Variants in PUM2 observed in about 807,000 individuals in gnomAD.
PUM2 encodes the protein pumilio RNA binding family member 2.
PUM2 carries 57 observed loss-of-function variants against 124.5 expected under a neutral mutation model. That is an observed-to-expected ratio of 0.46 (90% CI 0.37 to 0.57). The LOEUF (loss-of-function observed/expected upper bound fraction) is 0.57, where lower values mean the gene tolerates loss of function less well. PUM2 is among the 20% of genes least tolerant of loss of function. PUM2 has a pLI of 0.00. For missense variants in PUM2, 1,065 were observed against 1,290.6 expected (o/e 0.83, Z 2.68); for synonymous variants, 460 against 446.1 (o/e 1.03, Z -0.39).
chr2:20,268,739 T>C (rs931080267), intron 13 of PUM2, among the ~76,000 whole-genome samples: 1 of 152,300 alleles, frequency 6.6e-6, no homozygotes, highest in East Asian at 1.9e-4. Context: ...TACAGAAAGA[T>C]AGCATTTCTT....
At chr2:20,252,804 G>A (rs1663771435) in intron 20 of PUM2, among the ~76,000 whole-genome samples, 1 of 152,186 alleles carries the variant, frequency 6.6e-6, no homozygotes, top group South Asian at 2.1e-4. Flanking sequence ...TTCAACCCAT[G>A]TATTATGGTA....
intron 3 of PUM2, among the ~76,000 whole-genome samples, chr2:20,316,484 A>C (rs984266788): frequency 6.6e-6 from 1 of 151,916 alleles, no homozygotes; most frequent in African/African-American, 2.4e-5. Context: ...GAGCTTAAGC[A>C]AACTGTATTA....
At chr2:20,279,945 T>C (rs1305467060) in intron 12 of PUM2, among the ~76,000 whole-genome samples, 1 of 152,182 alleles carries the variant, frequency 6.6e-6, no homozygotes, top group Non-Finnish European at 1.5e-5. Flanking sequence ...ACCACATTTC[T>C]GAACCTGCCA....
intron 8 of PUM2, among the ~76,000 whole-genome samples, chr2:20,296,886 C>A (rs1675729981): frequency 6.7e-6 from 1 of 149,766 alleles, no homozygotes; most frequent in Admixed American, 6.6e-5. Flanking sequence ...ATAAATACAG[C>A]TTTTTTGTTG....
chr2:20,302,363 G>A (rs140289433), intron 7 of PUM2, among the ~76,000 whole-genome samples: 7 of 152,196 alleles, frequency 4.6e-5, no homozygotes, highest in Admixed American at 3.3e-4. Context: ...CAACCTAATA[G>A]GTAAATTAAA....
intron 9 of PUM2, among the ~76,000 whole-genome samples, chr2:20,292,687 T>C (rs561861666): frequency 1.4e-4 from 21 of 152,226 alleles, no homozygotes; most frequent in Admixed American, 3.9e-4. Context: ...TCCCAGCACT[T>C]TGGGAGGCCA....
chr2:20,350,376 C>T (rs997751248), intron 1 of PUM2: 3 of 755,586 alleles, frequency 4.0e-6, no homozygotes, highest in African/African-American at 3.8e-5. Context: ...GGAAAGCGGC[C>T]GGCGCGGCGC....
At chr2:20,260,236 T>C in intron 15 of PUM2, 101 bp downstream of exon 15, 1 of 1,267,696 alleles carries the variant, frequency 7.9e-7, no homozygotes. Context: ...TTATTATCTT[T>C]TTTTATATGA....
intron 13 of PUM2, among the ~76,000 whole-genome samples, chr2:20,270,521 C>T (rs879515844): frequency 1.3e-5 from 2 of 151,462 alleles, no homozygotes; most frequent in Non-Finnish European, 2.9e-5. Flanking sequence ...GGGAAGAGGG[C>T]TGAAGAACTG....
chr2:20,252,774 G>GT lies in PUM2; in HGVS notation c.3063+1047dup, dbSNP rs1235083074. Among the ~76,000 whole-genome samples, 7 of 152,274 alleles carry GT rather than the reference G, an allele frequency of 4.6e-5. No individual in the cohort carries two copies. In the South Asian group the frequency reaches 1.0e-3, roughly 23 times the overall value. On this transcript the variant is annotated intron_variant, in intron 20 of 20. Coordinates refer to ENST00000361078, the MANE Select transcript of PUM2 (RefSeq NM_015317.5). ...AACACAAAATTCTACTTAGAAAAAT[G>GT]TATTAGGTTAAAATCAATGTTCAAC... is the stretch of plus-strand genomic sequence containing the variant.
At chr2:20,301,341 T>C (rs1451819438) in intron 7 of PUM2, among the ~76,000 whole-genome samples, 2 of 152,226 alleles carry the variant, frequency 1.3e-5, no homozygotes, top group Non-Finnish European at 2.9e-5. Flanking sequence ...GTTCTACTTA[T>C]ACCACTAAAA....
chr2:20,286,102 T>C (rs1016516339), intron 10 of PUM2, among the ~76,000 whole-genome samples: 5 of 152,212 alleles, frequency 3.3e-5, no homozygotes, highest in African/African-American at 1.2e-4. Flanking sequence ...GCTTTTACTC[T>C]GACTTCAGGC....
At chr2:20,351,982 T>C (rs1689385050), upstream of PUM2, among the ~76,000 whole-genome samples, 1 of 152,162 alleles carries the variant, frequency 6.6e-6, no homozygotes. Context: ...CTTCTAGATA[T>C]TTTCACTTGA....
At chr2:20,258,411 A>C (rs1572546686) in intron 15 of PUM2, 40 bp from the exon 16 acceptor site, 2 of 1,595,344 alleles carry the variant, frequency 1.3e-6, no homozygotes, top group East Asian at 4.5e-5. Context: ...AGTGACCTTA[A>C]TATTGCTTTG....
chr2:20,327,707 T>G lies in PUM2; in HGVS notation c.-18-329A>C, dbSNP rs150090057. ...CAGAGTAAGGTTTTTTGTTTGGTTG[T>G]TTGTTTTTTTTAAATGGCATTTCTG... is the stretch of plus-strand genomic sequence containing the variant. On this transcript the variant is annotated intron_variant, in intron 1 of 20. Transcript: ENST00000361078. Among the ~76,000 whole-genome samples the G allele has an allele frequency of 3.7e-3, 569 of 152,244 alleles. 6 individuals carry two copies. Among genetic ancestry groups the G allele is most frequent in the African/African-American group, 0.013 (553 of 41,546 alleles).
chr2:20,269,643 T>A (rs770019404), intron 13 of PUM2, among the ~76,000 whole-genome samples: 10 of 152,166 alleles, frequency 6.6e-5, no homozygotes, highest in Non-Finnish European at 1.3e-4. Flanking sequence ...TACACACATG[T>A]CAAACGTACT....
intron 2 of PUM2, among the ~76,000 whole-genome samples, chr2:20,322,228 G>A (rs530665037): frequency 3.4e-4 from 52 of 152,024 alleles, no homozygotes; most frequent in Admixed American, 2.2e-3. Flanking sequence ...AGCTGTCCTG[G>A]GCAAATCAGA....
chr2:20,261,195 A>T (rs1431895892), intron 14 of PUM2, among the ~76,000 whole-genome samples: 1 of 152,036 alleles, frequency 6.6e-6, no homozygotes, highest in Non-Finnish European at 1.5e-5. Context: ...GTTCGAGACC[A>T]GCCTGGCCAA....
At chr2:20,305,074 C>T (rs904713272) in intron 7 of PUM2, among the ~76,000 whole-genome samples, 3 of 152,178 alleles carry the variant, frequency 2.0e-5, no homozygotes, top group Admixed American at 2.0e-4. Context: ...TTTTGATACA[C>T]TATGCTTTCT....
Sources: allele counts gnomAD v4.1 joint callset (sites outside exome capture counted in the v4.1 genomes callset), GRCh38; gene constraint gnomAD v4.1.1; transcripts MANE v1.5; gene names NCBI Gene and HGNC (gene_info 2026-07-23, HGNC 2026-07-21).